ZNF536: variants seen among roughly 807,000 people sequenced by gnomAD.
ZNF536 encodes zinc finger protein 536.
A neutral mutation model predicts 84.5 loss-of-function variants in ZNF536; 13 were observed. The observed-to-expected ratio is 0.15, with a 90% CI of 0.10 to 0.24. The LOEUF is 0.24. Among genes scored for constraint, ZNF536 ranks in the 10% least tolerant of loss-of-function variants. The pLI, the probability that ZNF536 is intolerant of heterozygous loss-of-function variation, is 1.00. For missense variants in ZNF536, 1,536 were observed against 1,747.5 expected, an observed-to-expected ratio of 0.88 and a Z score of 2.16; for synonymous variants, 811 against 742.5, an observed-to-expected ratio of 1.09 and a Z score of -1.50.
In ZNF536 at chr19:30,445,890, CT is replaced by C. The variant is rs770631396; in HGVS notation, c.2170+159del. ...CTGGGCCATGCCTTTCTTTCCCCCCCTGACTGGAGGGAAAGGGCCGTCCTTT... is the reference window on the plus strand; with the variant it reads ...CTGGGCCATGCCTTTCTTTCCCCCCCGACTGGAGGGAAAGGGCCGTCCTTT... On this transcript the variant is annotated intron_variant, in intron 2 of 4. Coordinates refer to ENST00000355537, the MANE Select transcript of ZNF536 (RefSeq NM_014717.3). This position sits in a 1 kb window ranked among gnomAD's most constrained non-coding sequence, Gnocchi z 4.5. Among the ~76,000 whole-genome samples the C allele has an allele frequency of 8.5e-5, 13 of 152,122 alleles. No individual in the cohort carries two copies. The highest frequency in any genetic ancestry group is 2.7e-4 in the African/African-American group (11 of 41,434).
intron 4 of ZNF536, among the ~76,000 whole-genome samples, 194 bp downstream of exon 4, chr19:30,549,708 T>C (rs2045701017): frequency 1.3e-5 from 2 of 152,218 alleles, no homozygotes; most frequent in South Asian, 4.1e-4. Context: ...ACTCATACTT[T>C]TGTGTTCTAA....
intron 1 of ZNF536, among the ~76,000 whole-genome samples, chr19:30,391,932 C>T (rs972628503): frequency 1.3e-5 from 2 of 152,296 alleles, no homozygotes; most frequent in East Asian, 1.9e-4. Context: ...TAATGCAGTA[C>T]GTCTTAGACA....
intron 1 of ZNF536, among the ~76,000 whole-genome samples, chr19:30,382,798 C>T (rs1189804140): frequency 6.6e-6 from 1 of 152,006 alleles, no homozygotes; most frequent in African/African-American, 2.4e-5. Context: ...CAAATTCCTG[C>T]GGTGGGCGGC....
At chr19:30,323,593 T>G (rs8107212) in intron 2 of ZNF536, among the ~76,000 whole-genome samples, 40,198 of 152,028 alleles carry the variant, frequency 0.26, 7,675 homozygotes, top group African/African-American at 0.51. Flanking sequence ...TTGACTGGGG[T>G]TGCTTCATGA....
chr19:30,613,236 T>C (rs2147065798), intron 1 of ZNF536, among the ~76,000 whole-genome samples: 1 of 152,296 alleles, frequency 6.6e-6, no homozygotes, highest in Admixed American at 6.5e-5. Context: ...TGTTTATTTT[T>C]CCCTTTATGA....
chr19:30,339,535 G>A (rs951515503), intron 2 of ZNF536, among the ~76,000 whole-genome samples: 1 of 152,184 alleles, frequency 6.6e-6, no homozygotes, highest in African/African-American at 2.4e-5. Context: ...GGCACACACA[G>A]GGCTTGCCTA....
At chr19:30,305,336 A>C (rs2145992752) in intron 2 of ZNF536, among the ~76,000 whole-genome samples, 1 of 152,308 alleles carries the variant, frequency 6.6e-6, no homozygotes, top group South Asian at 2.1e-4. Context: ...CCCATTCCTG[A>C]CTGGCTCAGT....
At chr19:30,541,000 T>C (rs1347526334) in intron 3 of ZNF536, among the ~76,000 whole-genome samples, 1 of 152,224 alleles carries the variant, frequency 6.6e-6, no homozygotes, top group African/African-American at 2.4e-5. Context: ...CTGTGGCATG[T>C]GGAGGCGCTC....
Position 30,443,853 on chromosome 19 carries a change from C to T in ZNF536, c.291C>T (p.Asn97=), listed in dbSNP as rs750879270. ...GCCGGGAGGTGGACACCAGCCTCAA[C>T]GGGAGGGTGGACTTGCAGCAGTTCC... The part of the protein sequence containing the change: ...QLGREVDTSL[N]GRVDLQQFLN... Residue 97 remains asparagine, a synonymous_variant, in exon 2 of 5, where the codon AAC becomes AAT. Transcript: ENST00000355537. 6.2e-6 allele frequency: 10 copies of T among 1,613,352 alleles called. No homozygotes were observed. The highest frequency in any genetic ancestry group is 4.4e-5 in the South Asian group (4 of 91,062).
chr19:30,690,236 G>C (rs560105149), intron 1 of ZNF536, among the ~76,000 whole-genome samples: 1 of 152,196 alleles, frequency 6.6e-6, no homozygotes, highest in Non-Finnish European at 1.5e-5. Flanking sequence ...TCCTAGAGGA[G>C]GCCACATTTG....
At chr19:30,552,781 G>A (rs1211741805) in intron 4 of ZNF536, among the ~76,000 whole-genome samples, 1 of 152,194 alleles carries the variant, frequency 6.6e-6, no homozygotes, top group East Asian at 1.9e-4. Context: ...CCAGTTGGGT[G>A]GGGAGACGCC....
chr19:30,272,934 A>G (rs2025934171), intron 1 of ZNF536, among the ~76,000 whole-genome samples: 1 of 152,140 alleles, frequency 6.6e-6, no homozygotes, highest in African/African-American at 2.4e-5. Context: ...TTTTTAAGAG[A>G]CAGGGTCTTG....
At chr19:30,321,428 T>C (rs1037159506) in intron 2 of ZNF536, among the ~76,000 whole-genome samples, 4 of 152,108 alleles carry the variant, frequency 2.6e-5, no homozygotes, top group African/African-American at 9.7e-5. Context: ...CATGGTGACA[T>C]GTGCCTGTAG....
chr19:30,434,904 G>GCTGC (rs1268650216), intron 1 of ZNF536, among the ~76,000 whole-genome samples: 1 of 72,912 alleles, frequency 1.4e-5, no homozygotes, highest in African/African-American at 6.0e-5. Flanking sequence ...GCTGATGATG[G>GCTGC]TGATGATGCT....
Position 30,271,301 on chromosome 19 carries a change from T to TTTC in ZNF536, c.-189-12769_-189-12768insCTT, listed in dbSNP as rs2025833609. Among the ~76,000 whole-genome samples the TTTC allele has an allele frequency of 5.0e-4, 33 of 65,730 alleles. No homozygotes were observed. The South Asian group carries it at 0.015, about 29-fold the overall frequency. 43.1% of individuals were successfully genotyped at this position (65,730 alleles called of 152,430 possible). On this transcript the variant is annotated intron_variant, in intron 1 of 5. Coordinates refer to the ZNF536 transcript ENST00000585628. ...CTTTCCCTGTGTTTTTTTCTTTTCT[T>TTTC]TTTTTTTTTTTTTTTTTTGCTAAAG...
intron 2 of ZNF536, among the ~76,000 whole-genome samples, chr19:30,460,493 T>C (rs3786812): frequency 0.44 from 66,776 of 151,946 alleles, 17,836 homozygotes; most frequent in African/African-American, 0.74. Context: ...TTCTGTCCTC[T>C]CATTCTCCCA....
intron 1 of ZNF536, among the ~76,000 whole-genome samples, chr19:30,379,928 A>T (rs959287760): frequency 2.0e-4 from 31 of 152,106 alleles, no homozygotes; most frequent in Non-Finnish European, 3.8e-4. Flanking sequence ...CTGGCGAAGG[A>T]GCTGAGGCTT....
chr19:30,505,072 C>G (rs2055111228), intron 2 of ZNF536, among the ~76,000 whole-genome samples: 1 of 152,052 alleles, frequency 6.6e-6, no homozygotes, highest in Non-Finnish European at 1.5e-5. Flanking sequence ...AAACCAGACA[C>G]TCTTAGTCCG....
At chr19:30,322,564 CT>C (rs1214902109) in intron 2 of ZNF536, among the ~76,000 whole-genome samples, 10 of 152,208 alleles carry the variant, frequency 6.6e-5, no homozygotes, top group Non-Finnish European at 2.9e-5. Flanking sequence ...TCCTGCCCCC[CT>C]GGCCAGGCCC....
Sources: allele counts gnomAD v4.1 joint callset (sites outside exome capture counted in the v4.1 genomes callset), GRCh38; gene constraint gnomAD v4.1.1; non-coding constraint Gnocchi (gnomAD v3.1); transcripts MANE v1.5; gene names NCBI Gene and HGNC (gene_info 2026-07-23, HGNC 2026-07-21).